The following EPHA6 variants were observed in gnomAD, a reference collection of about 807,000 sequenced individuals.
EPHA6 encodes the protein EPH receptor A6.
A neutral mutation model predicts 112.0 loss-of-function variants in EPHA6; 50 were observed. The observed-to-expected ratio is 0.45, with a 90% CI of 0.36 to 0.56. EPHA6 has a LOEUF of 0.56. Among genes scored for constraint, EPHA6 ranks in the 20% least tolerant of loss-of-function variants. The probability of loss-of-function intolerance (pLI) is 0.00; values close to 1 mark genes in which losing one functional copy is unlikely to be tolerated. For missense variants in EPHA6, 1,280 were observed against 1,417.4 expected, an observed-to-expected ratio of 0.90 and a Z score of 1.56; for synonymous variants, 529 against 490.7, an observed-to-expected ratio of 1.08 and a Z score of -1.03.
At chr3:96,972,738 A>G (rs2042365268) in intron 2 of EPHA6, among the ~76,000 whole-genome samples, 1 of 152,094 alleles carries the variant, frequency 6.6e-6, no homozygotes, top group South Asian at 2.1e-4. Flanking sequence ...TGTTTTGAGT[A>G]TTTTATCAGG....
At chr3:96,900,970 C>G (rs34825726) in intron 2 of EPHA6, among the ~76,000 whole-genome samples, 1,808 of 152,278 alleles carry the variant, frequency 0.012, 22 homozygotes, top group Non-Finnish European at 0.018. Context: ...ATACATTAAC[C>G]TAACAAGCCA....
chr3:97,698,875 C>T (rs747817622), intron 14 of EPHA6, among the ~76,000 whole-genome samples: 11 of 152,128 alleles, frequency 7.2e-5, no homozygotes, highest in Admixed American at 1.3e-4. Context: ...GCCTGCCAAA[C>T]GGTTCCTGCC....
At chr3:97,373,487 A>G (rs2085181540) in intron 5 of EPHA6, among the ~76,000 whole-genome samples, 1 of 152,148 alleles carries the variant, frequency 6.6e-6, no homozygotes, top group South Asian at 2.1e-4. Flanking sequence ...CTAATAAGAA[A>G]AGTAAGTCAC....
chr3:97,305,785 G>A (rs2081294349), intron 5 of EPHA6, among the ~76,000 whole-genome samples: 1 of 151,756 alleles, frequency 6.6e-6, no homozygotes, highest in South Asian at 2.1e-4. Flanking sequence ...CCTAGGTGAT[G>A]GGTTGATAGG....
chr3:97,313,526 A>C (rs147731030), intron 5 of EPHA6, among the ~76,000 whole-genome samples: 2 of 151,502 alleles, frequency 1.3e-5, no homozygotes, highest in Non-Finnish European at 3.0e-5. Context: ...CCTTTTTTCC[A>C]CATCTTTGCC....
At chr3:97,395,886 T>C (rs539466609) in intron 5 of EPHA6, among the ~76,000 whole-genome samples, 1 of 151,600 alleles carries the variant, frequency 6.6e-6, no homozygotes, top group South Asian at 2.1e-4. Flanking sequence ...AAGAGGATGA[T>C]AGATGAGGGA....
At chr3:97,355,185 G>A (rs1003127701) in intron 5 of EPHA6, among the ~76,000 whole-genome samples, 5 of 152,120 alleles carry the variant, frequency 3.3e-5, no homozygotes, top group Admixed American at 3.3e-4. Flanking sequence ...ACAAGACTCA[G>A]CGGTAATAGT....
rs929949020 is a variant in EPHA6 at position 96,880,707 on chromosome 3, G to A, written c.450+13818G>A. The stretch of plus-strand genomic sequence containing the variant: ...CATTCTTCCTCCCCCCACCTCACGC[G>A]CTGGCAAACACTAATCTGTTTTTTA... On this transcript the variant is annotated intron_variant, in intron 2 of 17. Coordinates refer to ENST00000389672, the MANE Select transcript of EPHA6 (RefSeq NM_001080448.3). Among the ~76,000 whole-genome samples the A allele has an allele frequency of 8.6e-5, 13 of 151,802 alleles. No homozygotes were observed. The South Asian group carries it at 1.0e-3, about 12-fold the overall frequency.
At chr3:97,328,050 T>TACACAC (rs1191368089) in intron 5 of EPHA6, among the ~76,000 whole-genome samples, 9 of 69,544 alleles carry the variant, frequency 1.3e-4, no homozygotes, top group Admixed American at 3.7e-4. Context: ...CACACATATA[T>TACACAC]ACACATATAT....
chr3:97,504,691 G>A (rs1372992086), intron 10 of EPHA6, among the ~76,000 whole-genome samples: 1 of 151,766 alleles, frequency 6.6e-6, no homozygotes, highest in Non-Finnish European at 1.5e-5. Context: ...CCTGCCCGAT[G>A]GTATATTTTT....
At chr3:97,228,999 G>T (rs1467577999) in intron 4 of EPHA6, among the ~76,000 whole-genome samples, 2 of 152,102 alleles carry the variant, frequency 1.3e-5, no homozygotes, top group Non-Finnish European at 2.9e-5. Context: ...TCATATGTCT[G>T]TTGGCAGTTT....
rs374857246 is a variant in EPHA6 at position 97,111,681 on chromosome 3, A to AT, written c.1115-114576dup. Among the ~76,000 whole-genome samples the AT allele has an allele frequency of 4.5e-3, 680 of 152,098 alleles. 8 individuals carry two copies. Among genetic ancestry groups the AT allele is most frequent in the African/African-American group, 0.015 (621 of 41,526 alleles). ...TTACAACTTTCTCAAGATCCTTTGG[A>AT]TTTTTTTCATTTTTGTTACTTTCCT... On this transcript the variant is annotated intron_variant, in intron 3 of 17. Transcript: ENST00000389672.
chr3:97,761,158 T>G lies in EPHA6; in HGVS notation c.*12457T>G, dbSNP rs1208477589. The G allele has an allele frequency of 1.0e-5, 2 of 200,960 alleles. No homozygotes were observed. The allele number at this position is 200,960 out of a possible 1,614,324, so 12.4% of individuals were successfully genotyped here. On this transcript the variant is annotated 3_prime_UTR_variant, in exon 18 of 18. Coordinates refer to ENST00000389672, the MANE Select transcript of EPHA6 (RefSeq NM_001080448.3). ...CTACTTTACTATAGCAGTGAAGTAG[T>G]CCAGACTTATTTGAAGGTGGTACTA...
chr3:96,902,427 A>G (rs1283408705), intron 2 of EPHA6, among the ~76,000 whole-genome samples: 6 of 152,278 alleles, frequency 3.9e-5, no homozygotes, highest in South Asian at 2.1e-4. Flanking sequence ...CTGGAGGGGC[A>G]AAAGGGAAAG....
At chr3:96,963,380 C>T (rs2107758406) in intron 2 of EPHA6, among the ~76,000 whole-genome samples, 1 of 152,220 alleles carries the variant, frequency 6.6e-6, no homozygotes, top group Middle Eastern at 3.4e-3. Flanking sequence ...AATTTAATCC[C>T]CTACAGATCT....
chr3:96,949,645 A>G (rs2041442785), intron 2 of EPHA6, among the ~76,000 whole-genome samples: 1 of 152,152 alleles, frequency 6.6e-6, no homozygotes, highest in Admixed American at 6.6e-5. Context: ...AAGGTAGGCA[A>G]TGTGTGTGGG....
Position 97,383,021 on chromosome 3 carries a change from A to G in EPHA6, c.1607-22129A>G, listed in dbSNP as rs536804621. Among the ~76,000 whole-genome samples the G allele has an allele frequency of 1.2e-4, 18 of 152,138 alleles. 1 individual carries two copies. The South Asian group carries it at 3.5e-3, about 30-fold the overall frequency. ...CAAATAAGGTATCATCTGGTCCCCA[A>G]AAAAGTGCCACATTAATTTTTGAAG... is the stretch of plus-strand genomic sequence containing the variant. On this transcript the variant is annotated intron_variant, in intron 5 of 17. Coordinates refer to ENST00000389672, the MANE Select transcript of EPHA6 (RefSeq NM_001080448.3).
Position 96,866,867 on chromosome 3 carries a change from G to A in EPHA6, c.428G>A (p.Trp143Ter). Reference protein sequence around the residue: ...DTTTVLGELGWKTYPLNGWDA... With the variant: ...DTTTVLGELG ...ACAACTGTACTGGGAGAGCTAGGAT[G>A]GAAAACATATCCATTAAATGGGGTA... The change falls in exon 2 of 18, where the codon TGG (tryptophan) becomes TAG (stop). Residue 143 changes from tryptophan (W) to a stop codon, truncating the protein, a stop_gained. Transcript: ENST00000389672. LOFTEE classifies it high-confidence loss of function. 1 of 1,481,412 alleles carries A rather than the reference G, an allele frequency of 6.8e-7. No individual in the cohort carries two copies. Among genetic ancestry groups the A allele is most frequent in the Non-Finnish European group, 9.0e-7 (1 of 1,110,998 alleles). The allele number at this position is 1,481,412 out of a possible 1,614,324, so 91.8% of individuals were successfully genotyped here. A position where few individuals can be genotyped will look rare whatever the true frequency, so the allele number is the denominator to read the frequency against.
At chr3:97,325,547 T>C (rs543294503) in intron 5 of EPHA6, among the ~76,000 whole-genome samples, 15 of 152,208 alleles carry the variant, frequency 9.9e-5, no homozygotes, top group African/African-American at 3.4e-4. Flanking sequence ...GCTTCAACAT[T>C]TGAATTTTGA....
Sources: gnomAD v4.1 joint callset for allele counts (sites outside exome capture counted in the v4.1 genomes callset) on GRCh38, gnomAD v4.1.1 for gene constraint, MANE v1.5 for transcripts, NCBI Gene and HGNC (gene_info 2026-07-23, HGNC 2026-07-21) for gene names.